TAF3: variants seen among roughly 807,000 people sequenced by gnomAD.
The protein encoded by TAF3 is transcription initiation factor TFIID subunit 3.
A neutral mutation model predicts 80.6 loss-of-function variants in TAF3; 7 were observed. The ratio of observed to expected loss-of-function variants is 0.09; its 90% CI spans 0.05 to 0.16. The LOEUF is 0.16. Among genes scored for constraint, TAF3 ranks in the 10% least tolerant of loss-of-function variants. The probability of loss-of-function intolerance (pLI) is 1.00; values close to 1 mark genes in which losing one functional copy is unlikely to be tolerated. For missense variants in TAF3, 921 were observed against 1,140.2 expected (o/e 0.81, Z 2.77); for synonymous variants, 444 against 446.1 (o/e 1.00, Z 0.06).
chr10:7,986,751 C>T (rs1831782326), intron 4 of TAF3, among the ~76,000 whole-genome samples: 2 of 152,170 alleles, frequency 1.3e-5, no homozygotes, highest in South Asian at 4.1e-4. Context: ...TATCCTTATT[C>T]ACAGGGATCC....
intron 4 of TAF3, among the ~76,000 whole-genome samples, chr10:7,995,956 T>C (rs1831883346): frequency 1.3e-5 from 2 of 152,226 alleles, no homozygotes; most frequent in Non-Finnish European, 2.9e-5. Flanking sequence ...ATCTGAAATA[T>C]GGAAATGACT....
rs753527160 is a variant in TAF3 at position 7,964,866 on chromosome 10, T to C, written c.1356T>C (p.Pro452=). The C allele has an allele frequency of 6.2e-7, 1 of 1,614,214 alleles. No individual in the cohort carries two copies. Among genetic ancestry groups the C allele is most frequent in the Admixed American group, 1.7e-5 (1 of 60,020 alleles). ...CAAAGTCAGGATCCACTCCTCTGCC[T>C]CTTTCCGGTGGAACCTCAAGTTCCG... is the stretch of plus-strand genomic sequence containing the variant. ...NFTKSGSTPL[P]LSGGTSSSDN... Residue 452 remains proline, a synonymous_variant, in exon 3 of 7, where the codon CCT becomes CCC. Transcript: ENST00000344293. This position sits in a 1 kb window ranked among gnomAD's most constrained non-coding sequence, Gnocchi z 4.1.
At chr10:7,916,439 A>G (rs527264856) in intron 2 of TAF3, among the ~76,000 whole-genome samples, 1 of 152,238 alleles carries the variant, frequency 6.6e-6, no homozygotes, top group Non-Finnish European at 1.5e-5. Flanking sequence ...AATTTTAAGA[A>G]TGCAAGAACT....
intron 3 of TAF3, 69 bp downstream of exon 3, chr10:7,965,811 C>T: frequency 7.0e-7 from 1 of 1,419,962 alleles, no homozygotes; most frequent in Non-Finnish European, 9.2e-7. Context: ...AAACAAAGCC[C>T]ACAATTATAT....
chr10:7,828,634 G>C (rs1298118035), intron 2 of TAF3, among the ~76,000 whole-genome samples: 2 of 150,532 alleles, frequency 1.3e-5, no homozygotes, highest in Non-Finnish European at 3.0e-5. Context: ...ATAGTACAGC[G>C]TACTATGCCA....
intron 2 of TAF3, among the ~76,000 whole-genome samples, chr10:7,945,079 G>A (rs960124447): frequency 2.0e-5 from 3 of 152,128 alleles, no homozygotes; most frequent in African/African-American, 4.8e-5. Flanking sequence ...GTAGTAAACT[G>A]CACAAAATAG....
rs1670605496 is a variant in TAF3, at chr10:7,965,403, TAAG to T, written c.1895_1897del (p.Lys632del). ...GAGAGAAAGGCAAGAAAGATAAAGATAAGAGAGAGAAAGAAAAAGTGAAAGATA... is the reference window on the plus strand; with the variant it reads ...GAGAGAAAGGCAAGAAAGATAAAGATAGAGAGAAAGAAAAAGTGAAAGATA... On this transcript the variant is annotated inframe_deletion, in exon 3 of 7. Coordinates refer to ENST00000344293, the MANE Select transcript of TAF3 (RefSeq NM_031923.4). The T allele has an allele frequency of 1.2e-6, 2 of 1,612,224 alleles. No homozygotes were observed. Among genetic ancestry groups the T allele is most frequent in the Non-Finnish European group, 1.7e-6 (2 of 1,179,550 alleles).
intron 2 of TAF3, among the ~76,000 whole-genome samples, chr10:7,845,627 A>G (rs1447124987): frequency 6.6e-6 from 1 of 151,700 alleles, no homozygotes; most frequent in African/African-American, 2.4e-5. Context: ...AATATCTGTG[A>G]GTATTATAGC....
chr10:7,918,763 T>C (rs1212953417), intron 2 of TAF3, among the ~76,000 whole-genome samples: 1 of 152,108 alleles, frequency 6.6e-6, no homozygotes, highest in African/African-American at 2.4e-5. Context: ...CTGGGAACAT[T>C]TGGGTAGAAG....
At chr10:8,013,670 C>T (rs1365108029) in intron 5 of TAF3, 61 bp from the exon 6 acceptor site, 1 of 1,340,466 alleles carries the variant, frequency 7.5e-7, no homozygotes, top group South Asian at 1.2e-5. Context: ...TCTGATCTGG[C>T]CTCTTTTTGT....
At chr10:7,977,382 T>A (rs1387201372) in intron 4 of TAF3, 59 bp downstream of exon 4, 2 of 1,524,506 alleles carry the variant, frequency 1.3e-6, no homozygotes, top group Admixed American at 3.4e-5. Flanking sequence ...TCTCTACTCT[T>A]TCCTAAGGGA....
At chr10:7,921,487 A>G (rs1394694900) in intron 2 of TAF3, among the ~76,000 whole-genome samples, 2 of 152,160 alleles carry the variant, frequency 1.3e-5, no homozygotes, top group African/African-American at 4.8e-5. Flanking sequence ...GTCATGACCC[A>G]TTAATGGTTG....
chr10:7,999,389 C>G (rs1015685832), intron 4 of TAF3, among the ~76,000 whole-genome samples: 5 of 150,102 alleles, frequency 3.3e-5, no homozygotes, highest in East Asian at 1.9e-4. Context: ...AAGGCAAGAC[C>G]CAAAACTACG....
At chr10:7,854,980 T>C (rs1308259246) in intron 2 of TAF3, among the ~76,000 whole-genome samples, 1 of 152,198 alleles carries the variant, frequency 6.6e-6, no homozygotes, top group Non-Finnish European at 1.5e-5. Flanking sequence ...TATGTCACCA[T>C]GCTAAAATTA....
At chr10:7,841,050 C>T (rs184727045) in intron 2 of TAF3, among the ~76,000 whole-genome samples, 112 of 152,272 alleles carry the variant, frequency 7.4e-4, no homozygotes, top group African/African-American at 2.6e-3. Context: ...GGGGTTTCAC[C>T]ATGTTGGCCA....
chr10:7,903,865 C>G (rs961863448), intron 2 of TAF3, among the ~76,000 whole-genome samples: 1 of 151,944 alleles, frequency 6.6e-6, no homozygotes, highest in Non-Finnish European at 1.5e-5. Flanking sequence ...CTTACAGTCT[C>G]TCGGGGGACA....
At chr10:7,825,816 C>A (rs1377085856) in intron 2 of TAF3, among the ~76,000 whole-genome samples, 2 of 152,130 alleles carry the variant, frequency 1.3e-5, no homozygotes, top group Non-Finnish European at 2.9e-5. Flanking sequence ...ATGTGCAAAT[C>A]TCTGTTCAAA....
At chr10:7,961,331 TC>T (rs1369806139) in intron 2 of TAF3, among the ~76,000 whole-genome samples, 4 of 152,196 alleles carry the variant, frequency 2.6e-5, no homozygotes, top group Non-Finnish European at 5.9e-5. Context: ...GTTGTGATGT[TC>T]TTTATGATTT....
chr10:7,877,856 C>T (rs186051027), intron 2 of TAF3, among the ~76,000 whole-genome samples: 71 of 152,162 alleles, frequency 4.7e-4, no homozygotes, highest in Admixed American at 7.9e-4. Context: ...CTTCTAGTAC[C>T]GTTTATACAC....
Sources: allele counts gnomAD v4.1 joint callset (sites outside exome capture counted in the v4.1 genomes callset), GRCh38; gene constraint gnomAD v4.1.1; non-coding constraint Gnocchi (gnomAD v3.1); transcripts MANE v1.5; gene names NCBI Gene and HGNC (gene_info 2026-07-23, HGNC 2026-07-21).